The following TIRAP variants were observed in gnomAD, a reference collection of about 807,000 sequenced individuals.
The protein encoded by TIRAP is TIR domain containing adaptor protein.
A neutral mutation model predicts 19.8 loss-of-function variants in TIRAP; 20 were observed. That is an observed-to-expected ratio of 1.01 (90% CI 0.71 to 1.47). The LOEUF is 1.47. Ranked by LOEUF, TIRAP falls within the 40% of genes most tolerant of loss-of-function variation. The pLI, the probability that TIRAP is intolerant of heterozygous loss-of-function variation, is 0.00. For synonymous variants in TIRAP, 125 were observed against 121.7 expected (o/e 1.03, Z -0.18); for missense variants, 276 against 285.1 (o/e 0.97, Z 0.23).
chr11:126,289,067 C>T (rs189610165), intron 1 of TIRAP, among the ~76,000 whole-genome samples: 109 of 152,238 alleles, frequency 7.2e-4, no homozygotes, highest in African/African-American at 2.4e-3. Flanking sequence ...CGTCCAGTGC[C>T]GTTTTGGTGG....
intron 1 of TIRAP, among the ~76,000 whole-genome samples, chr11:126,286,696 A>G (rs1951326102): frequency 6.6e-6 from 1 of 152,256 alleles, no homozygotes; most frequent in Non-Finnish European, 1.5e-5. Flanking sequence ...TAAACAGACC[A>G]GGTTTTAGCA....
In TIRAP at chr11:126,288,047, C is replaced by T. The variant is rs1336154282; in HGVS notation, c.-216-2415C>T. On this transcript the variant is annotated intron_variant, in intron 1 of 4. Transcript: ENST00000392679. The surrounding 1 kb of genome is among the most constrained non-coding windows in gnomAD (Gnocchi z 5.0). Reference sequence around the variant, plus strand: ...GGGATTACAGGGGAGCACCAGCACACCCGGCTAAATTTTGTATTTTTAGTA... The same window carrying T: ...GGGATTACAGGGGAGCACCAGCACATCCGGCTAAATTTTGTATTTTTAGTA... 6.6e-6 allele frequency among the ~76,000 whole-genome samples: 1 copy of T among 151,792 alleles called. No individual in the cohort carries two copies.
In TIRAP at chr11:126,291,681, G is replaced by A. The variant is rs1454902705; in HGVS notation, c.67+720G>A. ...GGGGCCAAACAGATGCCAGTCCTCCGTACCCCTTCCTTCCTGTATACGTAG... is the reference window on the plus strand; with the variant it reads ...GGGGCCAAACAGATGCCAGTCCTCCATACCCCTTCCTTCCTGTATACGTAG... On this transcript the variant is annotated intron_variant, in intron 3 of 4. Coordinates refer to ENST00000392679, the MANE Select transcript of TIRAP (RefSeq NM_001318777.2). This position sits in a 1 kb window ranked among gnomAD's most constrained non-coding sequence, Gnocchi z 5.6. 18 of 388,256 alleles carry A rather than the reference G, an allele frequency of 4.6e-5. No homozygotes were observed. The highest frequency in any genetic ancestry group is 1.5e-4 in the African/African-American group (7 of 47,710). 24.1% of individuals were successfully genotyped at this position (388,256 alleles called of 1,614,324 possible).
chr11:126,292,852 C>T lies in TIRAP; in HGVS notation c.443C>T (p.Thr148Met), dbSNP rs372803124. The T allele has an allele frequency of 4.3e-6, 7 of 1,613,092 alleles. No individual in the cohort carries two copies. The highest frequency in any genetic ancestry group is 2.2e-5 in the East Asian group (1 of 44,882). ...AGTCACTGCCGGGTGCTGCTCATCA[C>T]GCCGGGCTTCCTTCAGGACCCCTGG... ...SSSHCRVLLI[T>M]PGFLQDPWCK... The change falls in exon 4 of 5, where the codon ACG (threonine) becomes ATG (methionine). Residue 148 changes from threonine (T) to methionine (M), a missense_variant. By Grantham distance (81) the Thr-to-Met change is moderately conservative (BLOSUM62 -1). Coordinates refer to ENST00000392679, the MANE Select transcript of TIRAP (RefSeq NM_001318777.2).
Position 126,292,381 on chromosome 11 carries a change from C to G in TIRAP, c.68-96C>G. On this transcript the variant is annotated intron_variant, in intron 3 of 4. Coordinates refer to ENST00000392679, the MANE Select transcript of TIRAP (RefSeq NM_001318777.2). ...CCAGTGCAGGGAGGTGGGCTGCAGT[C>G]TGTCTGTCCTCCCTGTGAGGTGGGG... 4 of 1,335,052 alleles carry G rather than the reference C, an allele frequency of 3.0e-6. No individual in the cohort carries two copies. In the South Asian group the frequency reaches 5.2e-5, roughly 17 times the overall value. The allele number at this position is 1,335,052 out of a possible 1,614,324, so 82.7% of individuals were successfully genotyped here.
At position 126,291,129 on chromosome 11, in the gene TIRAP, G is replaced by T; in HGVS notation, c.67+168G>T. ...GCCTGGATGCTTTGTGGAGAGTGAG[G>T]AGGGGAGGCCTGCGTCAGCTCAGCC... On this transcript the variant is annotated intron_variant, in intron 3 of 4. Coordinates refer to ENST00000392679, the MANE Select transcript of TIRAP (RefSeq NM_001318777.2). This position sits in a 1 kb window ranked among gnomAD's most constrained non-coding sequence, Gnocchi z 5.6. The T allele has an allele frequency of 1.2e-6, 1 of 828,672 alleles. No individual in the cohort carries two copies. The allele number at this position is 828,672 out of a possible 1,614,324, so 51.3% of individuals were successfully genotyped here.
intron 1 of TIRAP, among the ~76,000 whole-genome samples, chr11:126,284,394 T>C (rs1359156683): frequency 6.6e-6 from 1 of 152,174 alleles, no homozygotes; most frequent in East Asian, 1.9e-4. Context: ...TATTCACCCA[T>C]GTTTAGTTAG....
At chr11:126,289,814 T>C in intron 1 of TIRAP, 1 of 985,402 alleles carries the variant, frequency 1.0e-6, no homozygotes, top group African/African-American at 1.7e-5. Context: ...CCTCTGTCAC[T>C]ACGGTGGGAA....
intron 1 of TIRAP, among the ~76,000 whole-genome samples, chr11:126,284,345 C>G: frequency 6.6e-6 from 1 of 152,150 alleles, no homozygotes; most frequent in Admixed American, 6.5e-5. Flanking sequence ...TTCATGTACT[C>G]TTACGTGTGT....
Position 126,292,801 on chromosome 11 carries a change from C to T in TIRAP, c.392C>T (p.Ser131Phe), listed in dbSNP as rs749603061. 6.2e-7 allele frequency: 1 copy of T among 1,612,888 alleles called. No homozygotes were observed. The highest frequency in any genetic ancestry group is 8.5e-7 in the Non-Finnish European group (1 of 1,179,794). The part of the protein sequence containing the change: ...RDATPGGAIV[S>F]ELCQALSSSH... ...GCAACCCCAGGCGGCGCTATAGTGT[C>T]CGAGCTGTGCCAGGCACTGAGCAGT... is the stretch of plus-strand genomic sequence containing the variant. Residue 131 changes from serine to phenylalanine, a missense_variant, in exon 4 of 5, where the codon TCC becomes TTC. Ser to Phe is a radical substitution (Grantham distance 155). Coordinates refer to ENST00000392679, the MANE Select transcript of TIRAP (RefSeq NM_001318777.2).
chr11:126,286,841 G>A (rs377336112), intron 1 of TIRAP, among the ~76,000 whole-genome samples: 8 of 152,258 alleles, frequency 5.3e-5, no homozygotes, highest in African/African-American at 1.9e-4. Context: ...TTATCCTGCC[G>A]TTCTAAGATG....
chr11:126,286,694 C>A (rs1951326075), intron 1 of TIRAP, among the ~76,000 whole-genome samples: 1 of 152,196 alleles, frequency 6.6e-6, no homozygotes, highest in Non-Finnish European at 1.5e-5. Flanking sequence ...TTTAAACAGA[C>A]CAGGTTTTAG....
rs528400653 is a variant in TIRAP, at chr11:126,287,998, C to T, written c.-216-2464C>T. Among the ~76,000 whole-genome samples, 59 of 152,240 alleles carry T rather than the reference C, an allele frequency of 3.9e-4. No homozygotes were observed. Among genetic ancestry groups the T allele is most frequent in the Non-Finnish European group, 7.6e-4 (52 of 68,010 alleles). The stretch of plus-strand genomic sequence containing the variant: ...TGAACTCCTGAGCTCACATGATCTG[C>T]CCACCTCGGCCTCCCAAAGTGCTGG... On this transcript the variant is annotated intron_variant, in intron 1 of 4. Coordinates refer to ENST00000392679, the MANE Select transcript of TIRAP (RefSeq NM_001318777.2). This position sits in a 1 kb window ranked among gnomAD's most constrained non-coding sequence, Gnocchi z 4.2.
At chr11:126,293,417 AG>A (rs754830044) in intron 4 of TIRAP, 13 of 706,976 alleles carry the variant, frequency 1.8e-5, no homozygotes, top group South Asian at 1.5e-4. Context: ...TAATAGCATT[AG>A]GTTTCTCTGA....
At position 126,290,962 on chromosome 11, in the gene TIRAP, G is replaced by A; in HGVS notation, c.67+1G>A. 4 of 1,603,960 alleles carry A rather than the reference G, an allele frequency of 2.5e-6. No homozygotes were observed. Among genetic ancestry groups the A allele is most frequent in the Non-Finnish European group, 3.4e-6 (4 of 1,174,564 alleles). Reference sequence around the variant, plus strand: ...AAGAAGCCTCTAGGCAAGATGGCTGGTGAGTGGAACCGGACTCGCGACTCT... The same window carrying A: ...AAGAAGCCTCTAGGCAAGATGGCTGATGAGTGGAACCGGACTCGCGACTCT... On this transcript the variant is annotated splice_donor_variant, in intron 3 of 4. Transcript: ENST00000392679. LOFTEE classifies it high-confidence loss of function. The surrounding 1 kb of genome is among the most constrained non-coding windows in gnomAD (Gnocchi z 4.9).
Position 126,285,243 on chromosome 11 carries a change from G to GTGTGTATATATATATATA in TIRAP, c.-217+2091_-217+2092insGTGTATATATATATATAT. Among the ~76,000 whole-genome samples the GTGTGTATATATATATATA allele has an allele frequency of 2.7e-3, 287 of 106,960 alleles. 2 individuals carry two copies. The highest frequency in any genetic ancestry group is 8.0e-3 in the African/African-American group (227 of 28,238). 70.2% of individuals were successfully genotyped at this position (106,960 alleles called of 152,430 possible). A position where few individuals can be genotyped will look rare whatever the true frequency, so the allele number is the denominator to read the frequency against. On this transcript the variant is annotated intron_variant, in intron 1 of 4. Coordinates refer to ENST00000392679, the MANE Select transcript of TIRAP (RefSeq NM_001318777.2). ...ATTTATTGGATATATGTGTGTGTGTGTATATATATATATATATAATATATA... is the reference window on the plus strand; with the variant it reads ...ATTTATTGGATATATGTGTGTGTGTGTGTGTATATATATATATATATATATATATATATATAATATATA...
rs1296325870 is a variant in TIRAP at position 126,287,050 on chromosome 11, C to A, written c.-216-3412C>A. Among the ~76,000 whole-genome samples the A allele has an allele frequency of 2.0e-5, 3 of 152,188 alleles. No homozygotes were observed. The highest frequency in any genetic ancestry group is 7.2e-5 in the African/African-American group (3 of 41,436). ...AAACTCACCTGGGTAATCCAGGAAT[C>A]CCTCCCCATCACAAGGTTCTTAATC... is the stretch of plus-strand genomic sequence containing the variant. On this transcript the variant is annotated intron_variant, in intron 1 of 4. Transcript: ENST00000392679. The surrounding 1 kb of genome is among the most constrained non-coding windows in gnomAD (Gnocchi z 4.2).
chr11:126,287,643 C>G lies in TIRAP; in HGVS notation c.-216-2819C>G, dbSNP rs1191845295. On this transcript the variant is annotated intron_variant, in intron 1 of 4. Coordinates refer to ENST00000392679, the MANE Select transcript of TIRAP (RefSeq NM_001318777.2). The surrounding 1 kb of genome is among the most constrained non-coding windows in gnomAD (Gnocchi z 4.2). ...CCACTTTGGATTTTATACAGCAAAA[C>G]TCCATAATGTTTCCTTTACATCAGT... Among the ~76,000 whole-genome samples the G allele has an allele frequency of 6.6e-6, 1 of 151,848 alleles. No homozygotes were observed. Among genetic ancestry groups the G allele is most frequent in the Non-Finnish European group, 1.5e-5 (1 of 67,980 alleles).
In TIRAP at chr11:126,291,147, G is replaced by A. The variant is rs561733312; in HGVS notation, c.67+186G>A. Reference sequence around the variant, plus strand: ...GAGTGAGGAGGGGAGGCCTGCGTCAGCTCAGCCAGATCTTTATCCTTTTGG... The same window carrying A: ...GAGTGAGGAGGGGAGGCCTGCGTCAACTCAGCCAGATCTTTATCCTTTTGG... On this transcript the variant is annotated intron_variant, in intron 3 of 4. Coordinates refer to ENST00000392679, the MANE Select transcript of TIRAP (RefSeq NM_001318777.2). The surrounding 1 kb of genome is among the most constrained non-coding windows in gnomAD (Gnocchi z 5.6). 40 of 735,968 alleles carry A rather than the reference G, an allele frequency of 5.4e-5. No individual in the cohort carries two copies. In the African/African-American group the frequency reaches 6.6e-4, roughly 12 times the overall value. The allele number at this position is 735,968 out of a possible 1,614,324, so 45.6% of individuals were successfully genotyped here. A position where few individuals can be genotyped will look rare whatever the true frequency, so the allele number is the denominator to read the frequency against.
Sources: allele counts gnomAD v4.1 joint callset (sites outside exome capture counted in the v4.1 genomes callset), GRCh38; gene constraint gnomAD v4.1.1; non-coding constraint Gnocchi (gnomAD v3.1); transcripts MANE v1.5; gene names NCBI Gene and HGNC (gene_info 2026-07-23, HGNC 2026-07-21).